STK4: variants seen among roughly 807,000 people sequenced by gnomAD.
STK4 encodes serine/threonine kinase 4.
A neutral mutation model predicts 64.9 loss-of-function variants in STK4; 30 were observed. That is an observed-to-expected ratio of 0.46 (90% CI 0.35 to 0.63). The LOEUF is 0.63. Ranked by LOEUF, STK4 falls within the 20% of genes least tolerant of loss-of-function variation. The pLI, the probability that STK4 is intolerant of heterozygous loss-of-function variation, is 0.01. For synonymous variants in STK4, 177 were observed against 199.0 expected (o/e 0.89, Z 0.93); for missense variants, 466 against 598.5 (o/e 0.78, Z 2.31).
At chr20:45,047,930 G>T (rs1954631857) in intron 10 of STK4, among the ~76,000 whole-genome samples, 1 of 152,174 alleles carries the variant, frequency 6.6e-6, no homozygotes, top group African/African-American at 2.4e-5. Context: ...GTAAGATTAA[G>T]CCTTCAAGAG....
chr20:45,039,107 G>T (rs962758035), intron 10 of STK4, among the ~76,000 whole-genome samples: 3 of 151,998 alleles, frequency 2.0e-5, no homozygotes, highest in Non-Finnish European at 4.4e-5. Context: ...ACAAGTAGTG[G>T]TTTCTTATAG....
At chr20:45,046,822 C>T (rs759849484) in intron 10 of STK4, among the ~76,000 whole-genome samples, 5 of 152,056 alleles carry the variant, frequency 3.3e-5, no homozygotes, top group Non-Finnish European at 7.4e-5. Flanking sequence ...GCTGGGATTA[C>T]AGGCACCTGC....
At chr20:45,030,570 A>T (rs1206649361) in intron 10 of STK4, among the ~76,000 whole-genome samples, 1 of 152,218 alleles carries the variant, frequency 6.6e-6, no homozygotes. Flanking sequence ...CGAATTTTGT[A>T]CTGACAAAAC....
At chr20:45,039,667 A>G (rs1410567622) in intron 10 of STK4, among the ~76,000 whole-genome samples, 1 of 152,134 alleles carries the variant, frequency 6.6e-6, no homozygotes, top group Non-Finnish European at 1.5e-5. Flanking sequence ...TTCAGTTAAA[A>G]CAGAAGTGCT....
chr20:45,023,825 A>C (rs180768027), intron 9 of STK4, among the ~76,000 whole-genome samples: 1 of 151,610 alleles, frequency 6.6e-6, no homozygotes, highest in African/African-American at 2.4e-5. Context: ...ACCACACAGC[A>C]TGCAAGAACT....
intron 5 of STK4, among the ~76,000 whole-genome samples, chr20:44,994,049 A>G (rs1042702586): frequency 1.3e-5 from 2 of 152,036 alleles, no homozygotes; most frequent in African/African-American, 4.8e-5. Flanking sequence ...CAGTAGGGCC[A>G]TGCCATCCTG....
intron 10 of STK4, among the ~76,000 whole-genome samples, chr20:45,031,058 A>G (rs750656669): frequency 6.6e-5 from 10 of 152,200 alleles, no homozygotes; most frequent in Non-Finnish European, 1.0e-4. Flanking sequence ...AGATGGCCCA[A>G]GTGCCAACAG....
At chr20:44,995,360 C>G (rs745387849) in intron 6 of STK4, 103 bp downstream of exon 6, 5 of 1,355,696 alleles carry the variant, frequency 3.7e-6, no homozygotes, top group Non-Finnish European at 4.9e-6. Context: ...AATCCCAGCA[C>G]TTTGGGAGGC....
chr20:45,017,933 G>C (rs1287931965), intron 9 of STK4, among the ~76,000 whole-genome samples: 2 of 152,266 alleles, frequency 1.3e-5, no homozygotes, highest in East Asian at 3.9e-4. Context: ...CTGGGCTCCA[G>C]GGAACCTTAT....
chr20:44,973,842 T>C (rs2145635014), intron 2 of STK4, among the ~76,000 whole-genome samples: 1 of 152,316 alleles, frequency 6.6e-6, no homozygotes, highest in Non-Finnish European at 1.5e-5. Context: ...ATCACAATAA[T>C]AAATGTTCAG....
chr20:45,035,633 A>T (rs1490890842), intron 10 of STK4, among the ~76,000 whole-genome samples: 1 of 152,218 alleles, frequency 6.6e-6, no homozygotes, highest in Non-Finnish European at 1.5e-5. Context: ...GTGTGAATAG[A>T]TAAGACTGCG....
At chr20:45,020,325 C>T (rs1486115067) in intron 9 of STK4, among the ~76,000 whole-genome samples, 2 of 152,106 alleles carry the variant, frequency 1.3e-5, no homozygotes, top group African/African-American at 4.8e-5. Flanking sequence ...TATGTGAAAG[C>T]ACCTAGTAGA....
intron 10 of STK4, among the ~76,000 whole-genome samples, chr20:45,072,922 C>T (rs1980196978): frequency 6.6e-6 from 1 of 152,194 alleles, no homozygotes; most frequent in Non-Finnish European, 1.5e-5. Context: ...ATATGAAGTT[C>T]TGAGCTAAGA....
At chr20:44,976,807 G>A (rs1420735711) in intron 2 of STK4, among the ~76,000 whole-genome samples, 1 of 152,176 alleles carries the variant, frequency 6.6e-6, no homozygotes, top group African/African-American at 2.4e-5. Flanking sequence ...GCTTGACAAT[G>A]GTTTGACATC....
chr20:45,041,854 C>T (rs914394229), intron 10 of STK4, among the ~76,000 whole-genome samples: 12 of 152,086 alleles, frequency 7.9e-5, no homozygotes, highest in African/African-American at 2.9e-4. Flanking sequence ...TAGCCTGCCG[C>T]AGGCATTAAA....
At chr20:45,064,504 T>A (rs1210345366) in intron 10 of STK4, among the ~76,000 whole-genome samples, 6 of 152,188 alleles carry the variant, frequency 3.9e-5, no homozygotes, top group African/African-American at 1.4e-4. Context: ...TAGCATTGAA[T>A]CTGTAAATTG....
At chr20:44,991,189 G>A (rs1001622521) in intron 5 of STK4, among the ~76,000 whole-genome samples, 7 of 151,666 alleles carry the variant, frequency 4.6e-5, no homozygotes, top group Non-Finnish European at 8.8e-5. Flanking sequence ...ATTTCTGGTG[G>A]CAACATGGGT....
intron 10 of STK4, among the ~76,000 whole-genome samples, chr20:45,028,502 T>C (rs1243346102): frequency 6.6e-6 from 1 of 152,060 alleles, no homozygotes; most frequent in African/African-American, 2.4e-5. Context: ...AATTTTTAAA[T>C]TTTTTCCAAA....
At chr20:45,032,306 G>A (rs2068458669) in intron 10 of STK4, among the ~76,000 whole-genome samples, 1 of 152,048 alleles carries the variant, frequency 6.6e-6, no homozygotes, top group Non-Finnish European at 1.5e-5. Flanking sequence ...GGGTACATGT[G>A]CAGGTTTGTT....
Sources: allele counts gnomAD v4.1 joint callset (sites outside exome capture counted in the v4.1 genomes callset), GRCh38; gene constraint gnomAD v4.1.1; transcripts MANE v1.5; gene names NCBI Gene and HGNC (gene_info 2026-07-23, HGNC 2026-07-21).